SEMA3A: variants seen among roughly 807,000 people sequenced by gnomAD.
The protein encoded by SEMA3A is semaphorin-3A.
Under a neutral mutation model 97.9 loss-of-function variants are expected in SEMA3A, and 29 were observed. The observed-to-expected ratio is 0.30, with a 90% CI of 0.22 to 0.40. The LOEUF (loss-of-function observed/expected upper bound fraction) is 0.40. Ranked by LOEUF, SEMA3A falls within the 10% of genes least tolerant of loss-of-function variation. The probability of loss-of-function intolerance (pLI) is 1.00; values close to 1 mark genes in which losing one functional copy is unlikely to be tolerated. For synonymous variants in SEMA3A, 321 were observed against 323.7 expected (o/e 0.99, Z 0.09); for missense variants, 763 against 951.3 (o/e 0.80, Z 2.60).
upstream of SEMA3A, among the ~76,000 whole-genome samples, chr7:84,197,426 G>A (rs1040283508): frequency 6.6e-6 from 1 of 152,034 alleles, no homozygotes; most frequent in African/African-American, 2.4e-5. Context: ...GCCACACACA[G>A]ATAATTCAAA....
At chr7:84,062,016 G>C (rs1263454548) in intron 4 of SEMA3A, among the ~76,000 whole-genome samples, 1 of 152,096 alleles carries the variant, frequency 6.6e-6, no homozygotes, top group Non-Finnish European at 1.5e-5. Flanking sequence ...TGAGCCTCTG[G>C]TCCTAAAATG....
chr7:84,414,635 T>C (rs1475731871), intron 1 of SEMA3A, among the ~76,000 whole-genome samples: 4 of 152,054 alleles, frequency 2.6e-5, no homozygotes, highest in Non-Finnish European at 2.9e-5. Context: ...AACCTTAGTG[T>C]AATCATGAAT....
chr7:84,376,467 G>T (rs538700402), intron 1 of SEMA3A, among the ~76,000 whole-genome samples: 1 of 142,564 alleles, frequency 7.0e-6, no homozygotes, highest in Non-Finnish European at 1.5e-5. Flanking sequence ...AGCCGGGCGT[G>T]GTGGCGGGCG....
chr7:84,427,786 A>T (rs1804867841), intron 1 of SEMA3A, among the ~76,000 whole-genome samples: 1 of 152,002 alleles, frequency 6.6e-6, no homozygotes, highest in Non-Finnish European at 1.5e-5. Flanking sequence ...ATACAAATAA[A>T]CCTGGTCATT....
chr7:84,193,655 A>G (rs1475371239), intron 1 of SEMA3A, among the ~76,000 whole-genome samples: 3 of 152,092 alleles, frequency 2.0e-5, no homozygotes, highest in Non-Finnish European at 4.4e-5. Flanking sequence ...AGACCTATCT[A>G]AGCAAATGTG....
chr7:84,455,383 T>C (rs1011150262), intron 1 of SEMA3A, among the ~76,000 whole-genome samples: 1 of 152,040 alleles, frequency 6.6e-6, no homozygotes, highest in African/African-American at 2.4e-5. Flanking sequence ...CTTTGTTTAA[T>C]ATTTTCCATT....
At chr7:84,170,633 C>T (rs1389807135) in intron 1 of SEMA3A, among the ~76,000 whole-genome samples, 2 of 151,872 alleles carry the variant, frequency 1.3e-5, no homozygotes, top group African/African-American at 4.8e-5. Context: ...AAGTAATTAA[C>T]TTGTTTTATA....
Position 84,476,067 on chromosome 7 carries a change from T to A in SEMA3A, c.-246+16393A>T, listed in dbSNP as rs753486639. 3.9e-5 allele frequency among the ~76,000 whole-genome samples: 6 copies of A among 152,012 alleles called. No individual in the cohort carries two copies. In the East Asian group the frequency reaches 7.8e-4, roughly 20 times the overall value. On this transcript the variant is annotated intron_variant, in intron 1 of 3. Coordinates refer to the SEMA3A transcript ENST00000424555. Reference sequence around the variant, plus strand: ...TAAGATAAAGAAAGTTGTTTAAAAATTTTTTTTGGCCAGGTGCGGTGGCTC... The same window carrying A: ...TAAGATAAAGAAAGTTGTTTAAAAAATTTTTTTGGCCAGGTGCGGTGGCTC...
At chr7:84,411,282 A>C (rs946796121) in intron 1 of SEMA3A, among the ~76,000 whole-genome samples, 5 of 152,140 alleles carry the variant, frequency 3.3e-5, no homozygotes, top group African/African-American at 1.2e-4. Context: ...ATGTTTTAAC[A>C]AATAACCACA....
chr7:84,417,661 ATTTT>A (rs1804472314), intron 1 of SEMA3A, among the ~76,000 whole-genome samples: 2 of 151,886 alleles, frequency 1.3e-5, no homozygotes, highest in Non-Finnish European at 2.9e-5. Flanking sequence ...TTTCTTATTT[ATTTT>A]ATTATATATT....
At chr7:84,399,724 A>AT (rs1803847212) in intron 1 of SEMA3A, among the ~76,000 whole-genome samples, 1 of 152,184 alleles carries the variant, frequency 6.6e-6, no homozygotes, top group Non-Finnish European at 1.5e-5. Flanking sequence ...AGGACTCACC[A>AT]CTAGGTGCTG....
At chr7:84,100,776 G>C (rs1158851712) in intron 4 of SEMA3A, among the ~76,000 whole-genome samples, 2 of 152,134 alleles carry the variant, frequency 1.3e-5, no homozygotes, top group Admixed American at 1.3e-4. Context: ...GGTCATCTGG[G>C]CATTGTTAAT....
intron 3 of SEMA3A, among the ~76,000 whole-genome samples, chr7:84,262,094 G>C (rs912274788): frequency 1.0e-3 from 92 of 90,788 alleles, no homozygotes; most frequent in African/African-American, 3.6e-3. Flanking sequence ...TAAGTTTAAT[G>C]ACACTTTTTT....
chr7:84,077,483 C>G (rs1384943563), intron 4 of SEMA3A, among the ~76,000 whole-genome samples: 1 of 151,962 alleles, frequency 6.6e-6, no homozygotes, highest in African/African-American at 2.4e-5. Flanking sequence ...GAATTGGAAT[C>G]TAGTCATATG....
At chr7:84,065,593 C>T (rs1793447919) in intron 4 of SEMA3A, among the ~76,000 whole-genome samples, 1 of 149,488 alleles carries the variant, frequency 6.7e-6, no homozygotes, top group African/African-American at 2.5e-5. Flanking sequence ...GGGATATCAC[C>T]ACTGATCCCA....
At chr7:84,442,564 AAGG>A (rs1805298997) in intron 1 of SEMA3A, among the ~76,000 whole-genome samples, 1 of 152,136 alleles carries the variant, frequency 6.6e-6, no homozygotes, top group African/African-American at 2.4e-5. Flanking sequence ...AGAACAAAGA[AAGG>A]TATGTCATAT....
chr7:84,221,763 T>C (rs909234863), intron 3 of SEMA3A, among the ~76,000 whole-genome samples: 2 of 151,968 alleles, frequency 1.3e-5, no homozygotes, highest in Non-Finnish European at 2.9e-5. Flanking sequence ...AAAACAATTA[T>C]AATAGTAACA....
At chr7:84,377,831 G>A (rs1183419340) in intron 1 of SEMA3A, among the ~76,000 whole-genome samples, 1 of 152,120 alleles carries the variant, frequency 6.6e-6, no homozygotes, top group Non-Finnish European at 1.5e-5. Flanking sequence ...AAAACCAATT[G>A]AACTTCAGCT....
chr7:84,211,297 G>A (rs1322859029), intron 3 of SEMA3A, among the ~76,000 whole-genome samples: 1 of 152,004 alleles, frequency 6.6e-6, no homozygotes, highest in African/African-American at 2.4e-5. Context: ...GTAAAGAGGA[G>A]GATAAAGAAG....
Sources: allele counts gnomAD v4.1 joint callset (sites outside exome capture counted in the v4.1 genomes callset), GRCh38; gene constraint gnomAD v4.1.1; transcripts MANE v1.5; gene names NCBI Gene and HGNC (gene_info 2026-07-23, HGNC 2026-07-21).